The following MRPS35 variants were observed in gnomAD, a reference collection of about 807,000 sequenced individuals.
The protein encoded by MRPS35 is mitochondrial ribosomal protein S35.
Under a neutral mutation model 32.7 loss-of-function variants are expected in MRPS35, and 29 were observed. That is an observed-to-expected ratio of 0.89 (90% confidence interval 0.66 to 1.21). The LOEUF (loss-of-function observed/expected upper bound fraction) is 1.21. MRPS35 is among the 50% of genes most tolerant of loss of function. The pLI, the probability that MRPS35 is intolerant of heterozygous loss-of-function variation, is 0.00. For missense variants in MRPS35, 373 were observed against 383.8 expected, an observed-to-expected ratio of 0.97 and a Z score of 0.23; for synonymous variants, 148 against 139.3, an observed-to-expected ratio of 1.06 and a Z score of -0.44.
intron 7 of MRPS35, among the ~76,000 whole-genome samples, chr12:27,744,109 A>AT (rs1350492866): frequency 1.3e-5 from 2 of 152,150 alleles, no homozygotes; most frequent in Non-Finnish European, 1.5e-5. Context: ...ATATTAAGTT[A>AT]TTATGTCTTA....
At chr12:27,717,713 G>A (rs1013217325) in intron 3 of MRPS35, among the ~76,000 whole-genome samples, 3 of 152,228 alleles carry the variant, frequency 2.0e-5, no homozygotes, top group Non-Finnish European at 2.9e-5. Context: ...TTTGTTTAAA[G>A]AGGTCTTTGG....
chr12:27,734,041 G>C (rs1344684866), intron 5 of MRPS35, among the ~76,000 whole-genome samples: 1 of 152,228 alleles, frequency 6.6e-6, no homozygotes, highest in East Asian at 1.9e-4. Flanking sequence ...AAAATAAATA[G>C]GCTACTATAC....
At chr12:27,716,515 T>TC (rs2061851767) in intron 3 of MRPS35, 57 bp downstream of exon 3, 2 of 1,571,398 alleles carry the variant, frequency 1.3e-6, no homozygotes, top group Admixed American at 1.7e-5. Flanking sequence ...ATGCTGATCT[T>TC]CCCCCCTATT....
chr12:27,744,450 T>G (rs1039933838), intron 7 of MRPS35, among the ~76,000 whole-genome samples: 2 of 151,832 alleles, frequency 1.3e-5, no homozygotes, highest in African/African-American at 2.4e-5. Flanking sequence ...AAAAAAAAAA[T>G]TAGGAAGTAT....
At chr12:27,722,366 A>C (rs1244100376) in intron 4 of MRPS35, among the ~76,000 whole-genome samples, 1 of 152,230 alleles carries the variant, frequency 6.6e-6, no homozygotes, top group Non-Finnish European at 1.5e-5. Context: ...CCAAAGTCTC[A>C]TCTATTGCTC....
chr12:27,741,947 G>C (rs111961633), intron 7 of MRPS35, among the ~76,000 whole-genome samples: 2,173 of 152,196 alleles, frequency 0.014, 20 homozygotes, highest in Middle Eastern at 0.027. Context: ...GTAATAAAAT[G>C]GTTCTGAAAA....
Position 27,753,945 on chromosome 12 carries a change from A to G in MRPS35, c.703-1236A>G, listed in dbSNP as rs375177090. ...TTGTTCACATTATGGGAACAGAAAG[A>G]TAATAACAAAATAAAATTCCAGGAT... On this transcript the variant is annotated intron_variant, in intron 7 of 7. Transcript: ENST00000081029. Among the ~76,000 whole-genome samples, 18 of 152,348 alleles carry G rather than the reference A, an allele frequency of 1.2e-4. No individual in the cohort carries two copies. In the East Asian group the frequency reaches 3.1e-3, roughly 26 times the overall value.
intron 7 of MRPS35, among the ~76,000 whole-genome samples, chr12:27,748,160 G>A (rs556883822): frequency 3.3e-5 from 5 of 152,216 alleles, no homozygotes; most frequent in Admixed American, 6.5e-5. Context: ...AGCCCTTTCC[G>A]GCTTCAAGGC....
At chr12:27,737,685 C>G (rs1208575787) in intron 7 of MRPS35, 77 bp downstream of exon 7, 6 of 1,166,046 alleles carry the variant, frequency 5.1e-6, no homozygotes, top group African/African-American at 3.1e-5. Context: ...CTCTTTGTGG[C>G]AAGTACTCAA....
In MRPS35 at chr12:27,735,567, A is replaced by T; in HGVS notation, c.632+11A>T. ...CATCAAAACAGATAGGTAATGGAAAAAATGTTCAGCCGACTGGTCACGTGT... is the reference window on the plus strand; with the variant it reads ...CATCAAAACAGATAGGTAATGGAAATAATGTTCAGCCGACTGGTCACGTGT... On this transcript the variant is annotated intron_variant, in intron 6 of 7. Coordinates refer to ENST00000081029, the MANE Select transcript of MRPS35 (RefSeq NM_021821.4). 6.3e-7 allele frequency: 1 copy of T among 1,591,514 alleles called. No homozygotes were observed. Among genetic ancestry groups the T allele is most frequent in the Non-Finnish European group, 8.6e-7 (1 of 1,162,608 alleles).
At chr12:27,731,600 G>A (rs746073890) in intron 5 of MRPS35, among the ~76,000 whole-genome samples, 6 of 151,918 alleles carry the variant, frequency 3.9e-5, no homozygotes, top group Non-Finnish European at 5.9e-5. Context: ...ACAGGGTCTC[G>A]CTCTGTTGCC....
At chr12:27,753,283 A>C (rs962299189) in intron 7 of MRPS35, among the ~76,000 whole-genome samples, 2 of 152,132 alleles carry the variant, frequency 1.3e-5, no homozygotes, top group Admixed American at 1.3e-4. Flanking sequence ...AGTTTGAAGG[A>C]TTCAAAGGAG....
At chr12:27,717,043 T>C (rs1230000435) in intron 3 of MRPS35, among the ~76,000 whole-genome samples, 5 of 152,106 alleles carry the variant, frequency 3.3e-5, no homozygotes, top group African/African-American at 9.7e-5. Flanking sequence ...TTGTGACCTT[T>C]TTCTGTTGTA....
At chr12:27,754,287 A>G (rs2062017671) in intron 7 of MRPS35, among the ~76,000 whole-genome samples, 1 of 151,956 alleles carries the variant, frequency 6.6e-6, no homozygotes, top group African/African-American at 2.4e-5. Context: ...AGGATATATG[A>G]AGTCATTATG....
At chr12:27,711,507 G>A (rs879818168) in intron 1 of MRPS35, among the ~76,000 whole-genome samples, 5 of 152,202 alleles carry the variant, frequency 3.3e-5, no homozygotes, top group Admixed American at 6.5e-5. Context: ...TATGTAGGGT[G>A]AGAGGCGCTG....
In MRPS35 at chr12:27,755,330, T is replaced by G; in HGVS notation, c.852T>G (p.Leu284=). 2.5e-6 allele frequency: 4 copies of G among 1,611,650 alleles called. No individual in the cohort carries two copies. The South Asian group carries it at 4.4e-5, about 18-fold the overall frequency. ...TGGAAATAAATAAAGAAGAGCTCCT[T>G]GGTACTAAAGAAATTGAAGAGTACA... ...KNMEINKEEL[L]GTKEIEEYKK... The change falls in exon 8 of 8, where the codon CTT becomes CTG. Residue 284 remains leucine, a synonymous_variant. Transcript: ENST00000081029.
chr12:27,755,597 AT>A lies in MRPS35; in HGVS notation c.*148del. On this transcript the variant is annotated 3_prime_UTR_variant, in exon 8 of 8. Transcript: ENST00000081029. ...TCCCTCATACTAATGCTTAATGGCAATGATTACTCCAGAGTTTTTTAATTTT... is the reference window on the plus strand; with the variant it reads ...TCCCTCATACTAATGCTTAATGGCAAGATTACTCCAGAGTTTTTTAATTTT... 1.5e-6 allele frequency: 1 copy of A among 676,312 alleles called. No individual in the cohort carries two copies. Among genetic ancestry groups the A allele is most frequent in the Non-Finnish European group, 2.2e-6 (1 of 444,622 alleles). The allele number at this position is 676,312 out of a possible 1,614,324, so 41.9% of individuals were successfully genotyped here. A position where few individuals can be genotyped will look rare whatever the true frequency, so the allele number is the denominator to read the frequency against.
chr12:27,743,159 C>G (rs1369962466), intron 7 of MRPS35, among the ~76,000 whole-genome samples: 1 of 152,062 alleles, frequency 6.6e-6, no homozygotes, highest in African/African-American at 2.4e-5. Flanking sequence ...CCACATCCAG[C>G]CCCCTCTCAC....
chr12:27,714,242 C>G (rs893118676), intron 1 of MRPS35, among the ~76,000 whole-genome samples: 5 of 152,034 alleles, frequency 3.3e-5, no homozygotes, highest in African/African-American at 1.2e-4. Context: ...CTGTAAGAGT[C>G]ATTTTTTAGA....
Sources: allele counts gnomAD v4.1 joint callset (sites outside exome capture counted in the v4.1 genomes callset), GRCh38; gene constraint gnomAD v4.1.1; transcripts MANE v1.5; gene names NCBI Gene and HGNC (gene_info 2026-07-23, HGNC 2026-07-21).